Variants in CNTNAP2 observed in about 807,000 individuals in gnomAD.
The protein encoded by CNTNAP2 is contactin associated protein 2.
Under a neutral mutation model 155.2 loss-of-function variants are expected in CNTNAP2, and 98 were observed. The observed-to-expected ratio is 0.63, with a 90% CI of 0.54 to 0.75. The LOEUF (loss-of-function observed/expected upper bound fraction) is 0.75. Among genes scored for constraint, CNTNAP2 ranks in the 30% least tolerant of loss-of-function variants. CNTNAP2 has a pLI of 0.00. For synonymous variants in CNTNAP2, 651 were observed against 631.2 expected (o/e 1.03, Z -0.47); for missense variants, 1,727 against 1,688.1 (o/e 1.02, Z -0.40).
intron 21 of CNTNAP2, among the ~76,000 whole-genome samples, chr7:148,277,318 C>T (rs1796886798): frequency 6.6e-6 from 1 of 152,110 alleles, no homozygotes; most frequent in Non-Finnish European, 1.5e-5. Flanking sequence ...TTGACTCAGG[C>T]AGTGTTCCCA....
At chr7:148,029,576 C>G (rs964460983) in intron 15 of CNTNAP2, among the ~76,000 whole-genome samples, 1 of 152,106 alleles carries the variant, frequency 6.6e-6, no homozygotes, top group South Asian at 2.1e-4. Context: ...TCTGAAAACA[C>G]GTTGGGTAAA....
intron 13 of CNTNAP2, among the ~76,000 whole-genome samples, chr7:147,895,164 GGGTTTCATCATGTTGGCCA>G (rs1170720302): frequency 6.8e-6 from 1 of 146,268 alleles, no homozygotes; most frequent in African/African-American, 2.5e-5. Flanking sequence ...AGTAGAAACG[GGGTTTCATCATGTTGGCCA>G]GGCTGATTTT....
intron 11 of CNTNAP2, among the ~76,000 whole-genome samples, chr7:147,495,906 C>A (rs1798699361): frequency 6.6e-6 from 1 of 152,146 alleles, no homozygotes; most frequent in African/African-American, 2.4e-5. Context: ...CCATTGCTCA[C>A]ATTTCCACCT....
chr7:148,106,110 C>T (rs910609001), intron 15 of CNTNAP2, among the ~76,000 whole-genome samples: 1 of 152,184 alleles, frequency 6.6e-6, no homozygotes, highest in African/African-American at 2.4e-5. Flanking sequence ...TAAGGAAGGG[C>T]TCCCAGGTTC....
At chr7:147,792,056 G>A (rs1460359288) in intron 13 of CNTNAP2, among the ~76,000 whole-genome samples, 1 of 152,154 alleles carries the variant, frequency 6.6e-6, no homozygotes, top group Non-Finnish European at 1.5e-5. Flanking sequence ...GGTCAGCTCT[G>A]CCTAAGTTCT....
At chr7:148,355,453 T>C (rs994495119) in intron 21 of CNTNAP2, among the ~76,000 whole-genome samples, 1 of 152,152 alleles carries the variant, frequency 6.6e-6, no homozygotes, top group Non-Finnish European at 1.5e-5. Flanking sequence ...TATAATAGTT[T>C]GCCAGGTTAG....
At chr7:146,390,620 T>C (rs1795527168) in intron 1 of CNTNAP2, among the ~76,000 whole-genome samples, 1 of 148,756 alleles carries the variant, frequency 6.7e-6, no homozygotes, top group Admixed American at 6.7e-5. Context: ...TATATATTTT[T>C]TTCATGAAAT....
intron 13 of CNTNAP2, among the ~76,000 whole-genome samples, chr7:147,644,227 T>A (rs1356105286): frequency 6.6e-6 from 1 of 152,244 alleles, no homozygotes; most frequent in Admixed American, 6.5e-5. Flanking sequence ...TCTACATGAT[T>A]TATATTTATA....
At chr7:146,773,443 T>A (rs186438126) in intron 1 of CNTNAP2, among the ~76,000 whole-genome samples, 1 of 152,332 alleles carries the variant, frequency 6.6e-6, no homozygotes, top group African/African-American at 2.4e-5. Context: ...TTGCCCAGGC[T>A]GGAGTGCAGT....
Position 147,386,797 on chromosome 7 carries a change from A to T in CNTNAP2, c.1499-8812A>T, listed in dbSNP as rs373705991. Among the ~76,000 whole-genome samples the T allele has an allele frequency of 9.9e-5, 15 of 152,268 alleles. No homozygotes were observed. In the South Asian group the frequency reaches 3.1e-3, roughly 32 times the overall value. On this transcript the variant is annotated intron_variant, in intron 9 of 23. Coordinates refer to ENST00000361727, the MANE Select transcript of CNTNAP2 (RefSeq NM_014141.6). ...CTTCCACATTTTCAGGATTCTTTTC[A>T]GCAGCACCTCACTCTACTGGTACCA...
At chr7:147,667,624 T>C (rs1795717285) in intron 13 of CNTNAP2, among the ~76,000 whole-genome samples, 2 of 152,102 alleles carry the variant, frequency 1.3e-5, no homozygotes, top group Admixed American at 1.3e-4. Flanking sequence ...GATTTGCTTA[T>C]TGTTGGTGAT....
At chr7:146,370,838 C>T (rs970308415) in intron 1 of CNTNAP2, among the ~76,000 whole-genome samples, 2 of 151,922 alleles carry the variant, frequency 1.3e-5, no homozygotes, top group African/African-American at 4.8e-5. Context: ...GATCCTTATC[C>T]AAAACGTGCA....
chr7:147,716,596 T>C (rs766062105), intron 13 of CNTNAP2, among the ~76,000 whole-genome samples: 2 of 152,186 alleles, frequency 1.3e-5, no homozygotes, highest in Non-Finnish European at 2.9e-5. Flanking sequence ...GGAGCTTCCA[T>C]GGTGGACATG....
chr7:148,178,454 A>G (rs1459340089), intron 18 of CNTNAP2, among the ~76,000 whole-genome samples: 1 of 152,220 alleles, frequency 6.6e-6, no homozygotes, highest in Non-Finnish European at 1.5e-5. Context: ...TTACAGTCAC[A>G]CAAATAATGT....
intron 21 of CNTNAP2, among the ~76,000 whole-genome samples, chr7:148,313,214 T>C (rs1349896401): frequency 2.0e-5 from 3 of 149,956 alleles, no homozygotes; most frequent in African/African-American, 7.4e-5. Context: ...GCCTCCATAT[T>C]GATTAAGAAG....
At chr7:146,850,691 T>C (rs1794862945) in intron 3 of CNTNAP2, among the ~76,000 whole-genome samples, 1 of 152,098 alleles carries the variant, frequency 6.6e-6, no homozygotes, top group Non-Finnish European at 1.5e-5. Context: ...TTTCACAATA[T>C]ATCTCTGTAT....
chr7:148,123,258 A>T (rs1340500129), intron 16 of CNTNAP2, among the ~76,000 whole-genome samples: 10 of 151,928 alleles, frequency 6.6e-5, no homozygotes, highest in Non-Finnish European at 1.2e-4. Flanking sequence ...GAGAGGAAGC[A>T]AGATGTACAA....
chr7:147,616,218 A>G (rs1266847307), intron 12 of CNTNAP2, among the ~76,000 whole-genome samples: 4 of 152,108 alleles, frequency 2.6e-5, no homozygotes, highest in Non-Finnish European at 5.9e-5. Context: ...CCACCATCCA[A>G]AGTCTAAGTG....
chr7:146,131,459 C>A (rs144917326), intron 1 of CNTNAP2, among the ~76,000 whole-genome samples: 2 of 152,170 alleles, frequency 1.3e-5, no homozygotes, highest in African/African-American at 2.4e-5. Flanking sequence ...AAGCTGCCAA[C>A]AAGTCCAAGG....
Sources: gnomAD v4.1 joint callset for allele counts (sites outside exome capture counted in the v4.1 genomes callset) on GRCh38, gnomAD v4.1.1 for gene constraint, MANE v1.5 for transcripts, NCBI Gene and HGNC (gene_info 2026-07-23, HGNC 2026-07-21) for gene names.